The following ULBP3 variants were observed in gnomAD, a reference collection of about 807,000 sequenced individuals.
ULBP3 encodes UL16 binding protein 3, also known as UL16-binding protein 3.
A neutral mutation model predicts 24.9 loss-of-function variants in ULBP3; 25 were observed. The ratio of observed to expected loss-of-function variants is 1.00; its 90% CI spans 0.73 to 1.40. The LOEUF (loss-of-function observed/expected upper bound fraction) is 1.40, where lower values mean the gene tolerates loss of function less well. Among genes scored for constraint, ULBP3 ranks in the 40% most tolerant of loss-of-function variants. The pLI, the probability that ULBP3 is intolerant of heterozygous loss-of-function variation, is 0.00. For synonymous variants in ULBP3, 114 were observed against 114.7 expected, an observed-to-expected ratio of 0.99 and a Z score of 0.04; for missense variants, 306 against 307.5, an observed-to-expected ratio of 1.00 and a Z score of 0.04.
chr6:150,068,848 A>C, intron 1 of ULBP3, 131 bp downstream of exon 1: 6 of 962,860 alleles, frequency 6.2e-6, no homozygotes, highest in Non-Finnish European at 8.8e-6. Context: ...GCGAATCGGA[A>C]CTGAGCGTGG....
chr6:150,064,564 TCACAGTTTTGCC>T lies in ULBP3; in HGVS notation c.*22+9_*22+20del. 6.2e-7 allele frequency: 1 copy of T among 1,603,638 alleles called. No homozygotes were observed. Among genetic ancestry groups the T allele is most frequent in the Non-Finnish European group, 8.5e-7 (1 of 1,170,942 alleles). On this transcript the variant is annotated intron_variant, in intron 4 of 4. Transcript: ENST00000367339. ...CTCACCCATCTGTCTCTCGTTCCCC[TCACAGTTTTGCC>T]CACAGTACCTGTCACTCTAAATGAC...
Position 150,065,985 on chromosome 6 carries a change from C to A in ULBP3, c.266G>T (p.Gly89Val). The change falls in exon 2 of 5, where the codon GGA becomes GTA. Residue 89 changes from glycine to valine, a missense_variant. Transcript: ENST00000367339. ...EEQLYATDAW[G>V]KQLEMLREVG... ...CTCTCTCAGCATTTCCAGTTGTTTT[C>A]CCCAGGCATCTGTGGCATACAGCTG... 1 of 1,614,196 alleles carries A rather than the reference C, an allele frequency of 6.2e-7. No homozygotes were observed. Among genetic ancestry groups the A allele is most frequent in the South Asian group, 1.1e-5 (1 of 91,084 alleles).
intron 3 of ULBP3, among the ~76,000 whole-genome samples, 193 bp downstream of exon 3, chr6:150,065,205 C>T (rs936547734): frequency 3.3e-5 from 5 of 152,062 alleles, no homozygotes; most frequent in South Asian, 2.1e-4. Flanking sequence ...AGAGCATAGG[C>T]ACCCCAAGGA....
At chr6:150,063,474 C>T in intron 4 of ULBP3, 123 bp from the exon 5 acceptor site, 1 of 405,048 alleles carries the variant, frequency 2.5e-6, no homozygotes, top group Non-Finnish European at 3.3e-6. Flanking sequence ...ACATGTTTTT[C>T]CCTCCAACCC....
chr6:150,064,294 T>C (rs1392465362), intron 4 of ULBP3, among the ~76,000 whole-genome samples: 1 of 152,184 alleles, frequency 6.6e-6, no homozygotes, highest in Admixed American at 6.5e-5. Context: ...GATAGAAACC[T>C]GCTGTGAAAT....
chr6:150,063,023 A>C lies in ULBP3; in HGVS notation c.*351T>G, dbSNP rs1330112349. 1 of 144,370 alleles carries C rather than the reference A, an allele frequency of 6.9e-6. No homozygotes were observed. The highest frequency in any genetic ancestry group is 7.3e-5 in the Admixed American group (1 of 13,676). The allele number at this position is 144,370 out of a possible 1,614,324, so 8.9% of individuals were successfully genotyped here. On this transcript the variant is annotated 3_prime_UTR_variant, in exon 5 of 5. Transcript: ENST00000367339. Reference sequence around the variant, plus strand: ...AGGCTGAGGCAGGAGAATGGCGTGAACCCGGGAAGCGGAGCTTGCAGTGAG... The same window carrying C: ...AGGCTGAGGCAGGAGAATGGCGTGACCCCGGGAAGCGGAGCTTGCAGTGAG...
intron 1 of ULBP3, among the ~76,000 whole-genome samples, chr6:150,068,476 G>T (rs1455896819): frequency 1.3e-5 from 2 of 152,206 alleles, no homozygotes; most frequent in Admixed American, 6.5e-5. Flanking sequence ...GCCTGCTGTT[G>T]CTCTACAAAG....
rs1015510867 is a variant in ULBP3 at position 150,063,370 on chromosome 6, A to G, written c.*23-19T>C. On this transcript the variant is annotated intron_variant, in intron 4 of 4. Coordinates refer to ENST00000367339, the MANE Select transcript of ULBP3 (RefSeq NM_024518.3). ...CTTCCACCTTGAGGAAAGATGAAGCATTGGTTTAAGTGGCTGAGAAAAACC... is the reference window on the plus strand; with the variant it reads ...CTTCCACCTTGAGGAAAGATGAAGCGTTGGTTTAAGTGGCTGAGAAAAACC... 9.2e-6 allele frequency: 9 copies of G among 977,986 alleles called. No individual in the cohort carries two copies. The highest frequency in any genetic ancestry group is 1.7e-5 in the African/African-American group (1 of 57,208). The allele number at this position is 977,986 out of a possible 1,614,324, so 60.6% of individuals were successfully genotyped here. A position where few individuals can be genotyped will look rare whatever the true frequency, so the allele number is the denominator to read the frequency against.
chr6:150,063,740 C>A (rs1776305988), intron 4 of ULBP3, among the ~76,000 whole-genome samples: 1 of 152,218 alleles, frequency 6.6e-6, no homozygotes, highest in South Asian at 2.1e-4. Flanking sequence ...TTCTCCTTCG[C>A]TCTCAGCCTC....
chr6:150,065,522 C>G lies in ULBP3; in HGVS notation c.504G>C (p.Arg168=). 1 of 1,614,190 alleles carries G rather than the reference C, an allele frequency of 6.2e-7. No individual in the cohort carries two copies. Among genetic ancestry groups the G allele is most frequent in the Non-Finnish European group, 8.5e-7 (1 of 1,180,036 alleles). ...TATCCTTCTCCCACTTCTCTTTCAT[C>G]CGCCTGGCTCCAGCGTGAACCACTG... ...KWTVVHAGAR[R]MKEKWEKDSG... The change falls in exon 3 of 5, where the codon CGG becomes CGC. Residue 168 remains arginine (R), a synonymous_variant. Transcript: ENST00000367339.
chr6:150,068,753 G>T (rs1470801281), intron 1 of ULBP3, among the ~76,000 whole-genome samples: 1 of 152,162 alleles, frequency 6.6e-6, no homozygotes, highest in Non-Finnish European at 1.5e-5. Context: ...ACCCTCCTGC[G>T]GTTCTTTTTT....
chr6:150,069,003 C>T lies in ULBP3; in HGVS notation c.64G>A (p.Asp22Asn). Residue 22 changes from aspartate (D) to asparagine (N), a missense_variant, in exon 1 of 5, where the codon GAC becomes AAC. By Grantham distance (23) the Asp-to-Asn change is conservative. Coordinates refer to ENST00000367339, the MANE Select transcript of ULBP3 (RefSeq NM_024518.3). Reference protein sequence around the residue: ...RLAILPYLLFDWSGTGRADAH... With the variant: ...RLAILPYLLFNWSGTGRADAH... Reference sequence around the variant, plus strand: ...CCGGCCCGCCCCGTCCCGGACCAGTCGAATAGCAGGTACGGAAGAATCGCG... The same window carrying T: ...CCGGCCCGCCCCGTCCCGGACCAGTTGAATAGCAGGTACGGAAGAATCGCG... 2.5e-6 allele frequency: 4 copies of T among 1,612,134 alleles called. 1 individual carries two copies. The highest frequency in any genetic ancestry group is 2.2e-5 in the South Asian group (2 of 90,818).
rs1325294395 is a variant in ULBP3 at position 150,065,588 on chromosome 6, T to C, written c.438A>G (p.Gly146=). Residue 146 remains glycine (G), a synonymous_variant, in exon 3 of 5, where the codon GGA becomes GGG. Transcript: ENST00000367339. The stretch of plus-strand genomic sequence containing the variant: ...TTGAGTCAAAGAGGAGGAACTTCCG[T>C]CCATCGAAGCTGAACTGCCAAGATC... The part of the protein sequence containing the change: ...IRGSWQFSFD[G]RKFLLFDSNN... 1.9e-6 allele frequency: 3 copies of C among 1,614,150 alleles called. No individual in the cohort carries two copies. The highest frequency in any genetic ancestry group is 2.5e-6 in the Non-Finnish European group (3 of 1,179,998).
Position 150,065,914 on chromosome 6 carries a change from C to A in ULBP3, c.337G>T (p.Asp113Tyr). ...TTTCACTCACCACTGGGTGTGAAAT[C>A]CTCCAGCTCAGTGTCAGCCAGTTCC... ...RLELADTELE[D>Y]FTPSGPLTLQ... Residue 113 changes from aspartate to tyrosine, a missense_variant, in exon 2 of 5, where the codon GAT becomes TAT. By Grantham distance (160) the Asp-to-Tyr change is radical. Transcript: ENST00000367339. The A allele has an allele frequency of 6.2e-7, 1 of 1,614,182 alleles. No homozygotes were observed. The highest frequency in any genetic ancestry group is 8.5e-7 in the Non-Finnish European group (1 of 1,180,044).
chr6:150,065,563 T>C lies in ULBP3; in HGVS notation c.463A>G (p.Asn155Asp), dbSNP rs1415942142. 5 of 1,614,032 alleles carry C rather than the reference T, an allele frequency of 3.1e-6. No homozygotes were observed. The African/African-American group carries it at 6.7e-5, about 22-fold the overall frequency. The part of the protein sequence containing the change: ...DGRKFLLFDS[N>D]NRKWTVVHAG... Reference sequence around the variant, plus strand: ...TGAACCACTGTCCACTTTCTGTTGTTTGAGTCAAAGAGGAGGAACTTCCGT... The same window carrying C: ...TGAACCACTGTCCACTTTCTGTTGTCTGAGTCAAAGAGGAGGAACTTCCGT... Residue 155 changes from asparagine (N) to aspartate (D), a missense_variant, in exon 3 of 5, where the codon AAC (asparagine) becomes GAC (aspartate). Asn to Asp is a conservative substitution (Grantham distance 23). Coordinates refer to ENST00000367339, the MANE Select transcript of ULBP3 (RefSeq NM_024518.3).
chr6:150,061,776 T>G lies in ULBP3; in HGVS notation c.*1598A>C, dbSNP rs1220308022. ...TTTCCTGTGGATATATCCCGAGTAG[T>G]GGGATTGCAGGCTTGAATGGTAGTT... On this transcript the variant is annotated 3_prime_UTR_variant, in exon 5 of 5. Coordinates refer to ENST00000367339, the MANE Select transcript of ULBP3 (RefSeq NM_024518.3). 6.6e-6 allele frequency among the ~76,000 whole-genome samples: 1 copy of G among 152,216 alleles called. No individual in the cohort carries two copies. The highest frequency in any genetic ancestry group is 1.9e-4 in the East Asian group (1 of 5,204).
chr6:150,062,055 A>C lies in ULBP3; in HGVS notation c.*1319T>G, dbSNP rs1476220228. ...GAAAAGTGTCTGTTCATGTCTTTGC[A>C]CATTTTTTAATTGGGTTTTTTTTTC... On this transcript the variant is annotated 3_prime_UTR_variant, in exon 5 of 5. Transcript: ENST00000367339. 6.6e-6 allele frequency among the ~76,000 whole-genome samples: 1 copy of C among 152,168 alleles called. No individual in the cohort carries two copies. Among genetic ancestry groups the C allele is most frequent in the Non-Finnish European group, 1.5e-5 (1 of 68,038 alleles).
At chr6:150,067,412 G>A (rs1776363294) in intron 1 of ULBP3, among the ~76,000 whole-genome samples, 1 of 152,208 alleles carries the variant, frequency 6.6e-6, no homozygotes, top group African/African-American at 2.4e-5. Flanking sequence ...TGGACACAGT[G>A]TGTGATCCGA....
chr6:150,062,406 T>C lies in ULBP3; in HGVS notation c.*968A>G, dbSNP rs1314451397. Among the ~76,000 whole-genome samples, 1 of 152,182 alleles carries C rather than the reference T, an allele frequency of 6.6e-6. No individual in the cohort carries two copies. The highest frequency in any genetic ancestry group is 6.5e-5 in the Admixed American group (1 of 15,278). Reference sequence around the variant, plus strand: ...CAATCTCTACCTAAATATAAAACAATTTGCCAGGCATGGTGGCATGCGCCT... The same window carrying C: ...CAATCTCTACCTAAATATAAAACAACTTGCCAGGCATGGTGGCATGCGCCT... On this transcript the variant is annotated 3_prime_UTR_variant, in exon 5 of 5. Transcript: ENST00000367339.
Sources: gnomAD v4.1 joint callset for allele counts (sites outside exome capture counted in the v4.1 genomes callset) on GRCh38, gnomAD v4.1.1 for gene constraint, MANE v1.5 for transcripts, NCBI Gene and HGNC (gene_info 2026-07-23, HGNC 2026-07-21) for gene names.